The following ST6GALNAC5 variants were observed in gnomAD, a reference collection of about 807,000 sequenced individuals.
ST6GALNAC5 encodes ST6 N-acetylgalactosaminide alpha-2,6-sialyltransferase 5.
Under a neutral mutation model 33.6 loss-of-function variants are expected in ST6GALNAC5, and 27 were observed. The observed-to-expected ratio is 0.80, with a 90% confidence interval of 0.59 to 1.11. ST6GALNAC5 has a LOEUF of 1.11. Among genes scored for constraint, ST6GALNAC5 ranks in the 50% least tolerant of loss-of-function variants. The pLI is 0.00. For synonymous variants in ST6GALNAC5, 194 were observed against 171.2 expected, an observed-to-expected ratio of 1.13 and a Z score of -1.04; for missense variants, 428 against 454.0, an observed-to-expected ratio of 0.94 and a Z score of 0.52.
intron 2 of ST6GALNAC5, among the ~76,000 whole-genome samples, chr1:77,019,171 T>A (rs1257240771): frequency 1.3e-5 from 2 of 152,216 alleles, no homozygotes; most frequent in Non-Finnish European, 2.9e-5. Context: ...AAAGGTCATT[T>A]GTTGCAGGCA....
intron 2 of ST6GALNAC5, among the ~76,000 whole-genome samples, 162 bp from the exon 3 acceptor site, chr1:77,044,042 G>C (rs972670709): frequency 6.6e-6 from 1 of 152,062 alleles, no homozygotes; most frequent in South Asian, 2.1e-4. Flanking sequence ...AGAAGAGAAC[G>C]CAAGGGTCCA....
At chr1:77,003,433 G>A (rs1650257657) in intron 2 of ST6GALNAC5, among the ~76,000 whole-genome samples, 2 of 150,374 alleles carry the variant, frequency 1.3e-5, no homozygotes, top group Admixed American at 1.3e-4. Context: ...GATGGCTCTT[G>A]ACTCTTTATC....
rs1364171843 is a variant in ST6GALNAC5, at chr1:76,867,690, G to T, written c.15G>T (p.Met5Ile). Residue 5 changes from methionine to isoleucine, a missense_variant and splice_region_variant, in exon 1 of 5, where the codon ATG becomes ATT. Transcript: ENST00000477717. The stretch of plus-strand genomic sequence containing the variant: ...AGGTGCCCAAAATGAAGACCCTGAT[G>T]GTGAGTCAGTTGTGGCAACTCCACC... MKTL[M>I]RHGLAVCLAL... The T allele has an allele frequency of 6.2e-7, 1 of 1,613,976 alleles. No homozygotes were observed. Among genetic ancestry groups the T allele is most frequent in the East Asian group, 2.2e-5 (1 of 44,868 alleles).
At chr1:77,045,532 T>G (rs1021988924) in intron 3 of ST6GALNAC5, among the ~76,000 whole-genome samples, 1 of 152,260 alleles carries the variant, frequency 6.6e-6, no homozygotes, top group Admixed American at 6.5e-5. Flanking sequence ...TCAATCATGA[T>G]GTAAAAATGT....
Position 77,044,188 on chromosome 1 carries a change from T to TC in ST6GALNAC5, c.262-11dup. On this transcript the variant is annotated splice_polypyrimidine_tract_variant and intron_variant, in intron 2 of 4. Coordinates refer to ENST00000477717, the MANE Select transcript of ST6GALNAC5 (RefSeq NM_030965.3). ...CCCTTTGCCCCTGACAGTGTCCTTC[T>TC]CCCCCTGCCTTCCAGCCCCTGAAAA... 1 of 1,579,818 alleles carries TC rather than the reference T, an allele frequency of 6.3e-7. No homozygotes were observed. Among genetic ancestry groups the TC allele is most frequent in the Admixed American group, 1.7e-5 (1 of 58,154 alleles).
intron 2 of ST6GALNAC5, among the ~76,000 whole-genome samples, chr1:76,925,936 A>C (rs995932215): frequency 6.6e-6 from 1 of 152,152 alleles, no homozygotes; most frequent in East Asian, 1.9e-4. Flanking sequence ...TTCAACCCAC[A>C]TGCAGCTCTT....
intron 2 of ST6GALNAC5, among the ~76,000 whole-genome samples, chr1:77,035,395 G>T (rs573456933): frequency 3.3e-5 from 5 of 152,224 alleles, no homozygotes; most frequent in African/African-American, 7.2e-5. Context: ...AGACTTAAGG[G>T]TGTTGTACAG....
chr1:76,892,438 C>G (rs1474700946), intron 2 of ST6GALNAC5, among the ~76,000 whole-genome samples: 1 of 152,126 alleles, frequency 6.6e-6, no homozygotes, highest in Admixed American at 6.6e-5. Context: ...TACTTGTAAA[C>G]AGCAAAGATA....
intron 2 of ST6GALNAC5, among the ~76,000 whole-genome samples, chr1:77,002,114 T>C (rs939543631): frequency 6.6e-5 from 10 of 152,166 alleles, no homozygotes; most frequent in African/African-American, 1.2e-4. Context: ...TGAATCCATC[T>C]GGTCCTGGAC....
At position 76,931,787 on chromosome 1, in the gene ST6GALNAC5, AC is replaced by A. The variant is rs1647144012; in HGVS notation, c.261+63046del. Among the ~76,000 whole-genome samples the A allele has an allele frequency of 7.2e-5, 11 of 152,244 alleles. No homozygotes were observed. In the South Asian group the frequency reaches 2.1e-3, roughly 29 times the overall value. On this transcript the variant is annotated intron_variant, in intron 2 of 4. Coordinates refer to ENST00000477717, the MANE Select transcript of ST6GALNAC5 (RefSeq NM_030965.3). Reference sequence around the variant, plus strand: ...GCATCTTCCAGGTGGTAGTTGGAATACTGAAATGGATTAAATCACCTGATCA... The same window carrying A: ...GCATCTTCCAGGTGGTAGTTGGAATATGAAATGGATTAAATCACCTGATCA...
intron 2 of ST6GALNAC5, among the ~76,000 whole-genome samples, chr1:76,979,262 A>C (rs1037315608): frequency 1.6e-4 from 24 of 151,606 alleles, no homozygotes; most frequent in African/African-American, 4.9e-4. Context: ...ACAGAAATGG[A>C]AAAAAAAATC....
intron 2 of ST6GALNAC5, among the ~76,000 whole-genome samples, chr1:76,870,234 G>C (rs139727185): frequency 4.3e-4 from 65 of 152,284 alleles, no homozygotes; most frequent in African/African-American, 1.5e-3. Flanking sequence ...ATAAGGGCTG[G>C]AGTTCTAGGA....
At chr1:76,899,286 G>A (rs1557714827) in intron 2 of ST6GALNAC5, among the ~76,000 whole-genome samples, 1 of 151,994 alleles carries the variant, frequency 6.6e-6, no homozygotes, top group Non-Finnish European at 1.5e-5. Flanking sequence ...AAGGAGGCAA[G>A]CCCAGAGAAA....
chr1:77,005,081 C>T (rs1449825006), intron 2 of ST6GALNAC5, among the ~76,000 whole-genome samples: 1 of 151,830 alleles, frequency 6.6e-6, no homozygotes, highest in Admixed American at 6.6e-5. Context: ...GCGGGCGCCC[C>T]TCCCCCAGCC....
chr1:76,915,416 C>T (rs1646960404), intron 2 of ST6GALNAC5, among the ~76,000 whole-genome samples: 1 of 152,122 alleles, frequency 6.6e-6, no homozygotes, highest in Non-Finnish European at 1.5e-5. Context: ...CGGCACTATT[C>T]ACAATAGCAA....
At chr1:76,922,442 T>C (rs1647042966) in intron 2 of ST6GALNAC5, among the ~76,000 whole-genome samples, 1 of 152,190 alleles carries the variant, frequency 6.6e-6, no homozygotes, top group Non-Finnish European at 1.5e-5. Flanking sequence ...CCCAAATTTA[T>C]CTATAGATTT....
intron 2 of ST6GALNAC5, among the ~76,000 whole-genome samples, chr1:76,951,357 ATG>A (rs1647735354): frequency 1.3e-5 from 2 of 152,166 alleles, no homozygotes; most frequent in Non-Finnish European, 2.9e-5. Flanking sequence ...CTGTTTAAAA[ATG>A]TGTGTGTGTC....
In ST6GALNAC5 at chr1:77,024,988, G is replaced by A. The variant is rs547975607; in HGVS notation, c.262-19216G>A. On this transcript the variant is annotated intron_variant, in intron 2 of 4. Coordinates refer to ENST00000477717, the MANE Select transcript of ST6GALNAC5 (RefSeq NM_030965.3). ...CTACCTTCTTCTGTATCCTTCCCCC[G>A]CTCCAGGCTCTCTCTCTGTCTGTGG... Among the ~76,000 whole-genome samples, 16 of 152,082 alleles carry A rather than the reference G, an allele frequency of 1.1e-4. No individual in the cohort carries two copies. In the East Asian group the frequency reaches 1.9e-3, roughly 18 times the overall value.
At chr1:76,932,757 G>T (rs1766283) in intron 2 of ST6GALNAC5, among the ~76,000 whole-genome samples, 1 of 151,802 alleles carries the variant, frequency 6.6e-6, no homozygotes, top group African/African-American at 2.4e-5. Flanking sequence ...CTTTGCTCAT[G>T]CCTCTTGGCT....
Sources: allele counts gnomAD v4.1 joint callset (sites outside exome capture counted in the v4.1 genomes callset), GRCh38; gene constraint gnomAD v4.1.1; transcripts MANE v1.5; gene names NCBI Gene and HGNC (gene_info 2026-07-23, HGNC 2026-07-21).